GABPB1: variants seen among roughly 807,000 people sequenced by gnomAD.
The protein encoded by GABPB1 is GA binding protein transcription factor subunit beta 1, also known as GA-binding protein subunit beta-1.
In GABPB1, 15 loss-of-function variants were observed where a neutral mutation model predicts 45.9. That is an observed-to-expected ratio of 0.33 (90% CI 0.22 to 0.50). The LOEUF is 0.50. Among genes scored for constraint, GABPB1 ranks in the 20% least tolerant of loss-of-function variants. The pLI is 0.98. For synonymous variants in GABPB1, 143 were observed against 154.4 expected (o/e 0.93, Z 0.55); for missense variants, 252 against 457.5 (o/e 0.55, Z 4.10).
rs763521486 is a variant in GABPB1 at position 50,348,043 on chromosome 15, G to GAAAAAA, written c.-1+6936_-1+6941dup. ...GGGTGACAGAGTGAAACTCCATCTG[G>GAAAAAA]AAAAAAAAAAAAAGAATCACTACTA... On this transcript the variant is annotated intron_variant, in intron 1 of 8. Coordinates refer to ENST00000380877, the MANE Select transcript of GABPB1 (RefSeq NM_016654.5). 5.4e-4 allele frequency among the ~76,000 whole-genome samples: 61 copies of GAAAAAA among 113,698 alleles called. 7 individuals carry two copies. The highest frequency in any genetic ancestry group is 6.5e-4 in the Non-Finnish European group (39 of 59,674). 74.6% of individuals were successfully genotyped at this position (113,698 alleles called of 152,430 possible). A position where few individuals can be genotyped will look rare whatever the true frequency, so the allele number is the denominator to read the frequency against.
chr15:50,329,949 C>A (rs2047896302), intron 1 of GABPB1, among the ~76,000 whole-genome samples: 2 of 151,754 alleles, frequency 1.3e-5, no homozygotes, highest in Admixed American at 6.6e-5. Context: ...TTCTGTCACC[C>A]AGGCTGGAAT....
chr15:50,333,727 T>C (rs2048021718), intron 1 of GABPB1, among the ~76,000 whole-genome samples: 1 of 152,174 alleles, frequency 6.6e-6, no homozygotes, highest in Non-Finnish European at 1.5e-5. Context: ...ATTTCCACTG[T>C]TGCTGCTGAA....
In GABPB1 at chr15:50,275,994, A is replaced by G. The variant is rs1307168134; in HGVS notation, c.*2638T>C. ...GATGCCTAACGAACTCAGTGTCTGG[A>G]TAGTACGTAACAAGAACGATTCTAG... On this transcript the variant is annotated 3_prime_UTR_variant, in exon 9 of 9. Transcript: ENST00000380877. 2.0e-5 allele frequency: 3 copies of G among 152,212 alleles called. No individual in the cohort carries two copies. The highest frequency in any genetic ancestry group is 4.4e-5 in the Non-Finnish European group (3 of 68,036). The allele number at this position is 152,212 out of a possible 1,614,324, so 9.4% of individuals were successfully genotyped here. A position where few individuals can be genotyped will look rare whatever the true frequency, so the allele number is the denominator to read the frequency against.
At chr15:50,301,484 C>G (rs1325434131) in intron 4 of GABPB1, 116 bp from the exon 5 acceptor site, 1 of 941,184 alleles carries the variant, frequency 1.1e-6, no homozygotes, top group Non-Finnish European at 1.6e-6. Flanking sequence ...TCACATAGTA[C>G]AAGTGGAAAT....
At chr15:50,311,114 AAT>A (rs2047118898) in intron 1 of GABPB1, among the ~76,000 whole-genome samples, 1 of 152,190 alleles carries the variant, frequency 6.6e-6, no homozygotes, top group African/African-American at 2.4e-5. Flanking sequence ...GAAATATTGA[AAT>A]ATATGTCAGA....
At chr15:50,324,473 T>C (rs944900585) in intron 1 of GABPB1, among the ~76,000 whole-genome samples, 1 of 150,092 alleles carries the variant, frequency 6.7e-6, no homozygotes, top group African/African-American at 2.5e-5. Context: ...GCCTCAAAGG[T>C]GGGCTCCCCT....
At chr15:50,341,583 T>C (rs2048378774) in intron 1 of GABPB1, among the ~76,000 whole-genome samples, 1 of 152,132 alleles carries the variant, frequency 6.6e-6, no homozygotes, top group Non-Finnish European at 1.5e-5. Context: ...CCATTCTACT[T>C]AATAAACATA....
At chr15:50,312,597 C>T (rs1350578993) in intron 1 of GABPB1, among the ~76,000 whole-genome samples, 4 of 152,106 alleles carry the variant, frequency 2.6e-5, no homozygotes, top group African/African-American at 7.2e-5. Context: ...AAAAAGAAAC[C>T]GACCTCTCTC....
At chr15:50,279,227 A>C (rs1478515454) in intron 8 of GABPB1, among the ~76,000 whole-genome samples, 1 of 152,236 alleles carries the variant, frequency 6.6e-6, no homozygotes, top group Non-Finnish European at 1.5e-5. Flanking sequence ...ATTTCCAACA[A>C]TAAGCATCTA....
intron 1 of GABPB1, among the ~76,000 whole-genome samples, chr15:50,317,224 C>T (rs1249606167): frequency 6.6e-6 from 1 of 151,650 alleles, no homozygotes; most frequent in Non-Finnish European, 1.5e-5. Context: ...AGTGAAATCC[C>T]ACCTTTACTA....
At chr15:50,280,314 A>G (rs532438378) in intron 8 of GABPB1, among the ~76,000 whole-genome samples, 1 of 152,280 alleles carries the variant, frequency 6.6e-6, no homozygotes, top group East Asian at 1.9e-4. Context: ...AAGGTAAGCA[A>G]TCAATGCCAG....
In GABPB1 at chr15:50,282,560, G is replaced by GAAAAAAAAAAAAAAAAAAAAAAAAAAA. The variant is rs552203074; in HGVS notation, c.999+3507_999+3508insTTTTTTTTTTTTTTTTTTTTTTTTTTT. 2.0e-4 allele frequency among the ~76,000 whole-genome samples: 18 copies of GAAAAAAAAAAAAAAAAAAAAAAAAAAA among 88,978 alleles called. 2 individuals carry two copies. Among genetic ancestry groups the GAAAAAAAAAAAAAAAAAAAAAAAAAAA allele is most frequent in the African/African-American group, 3.5e-4 (9 of 26,038 alleles). 58.4% of individuals were successfully genotyped at this position (88,978 alleles called of 152,430 possible). On this transcript the variant is annotated intron_variant, in intron 8 of 8. Coordinates refer to ENST00000380877, the MANE Select transcript of GABPB1 (RefSeq NM_016654.5). The stretch of plus-strand genomic sequence containing the variant: ...CAAAGTGAGACCCTGCCTTAAAAAA[G>GAAAAAAAAAAAAAAAAAAAAAAAAAAA]AAAAAAAAAAAAAAACAGAGACGGA...
intron 1 of GABPB1, among the ~76,000 whole-genome samples, chr15:50,339,309 CT>C (rs757317909): frequency 7.2e-5 from 11 of 152,108 alleles, no homozygotes; most frequent in East Asian, 5.8e-4. Flanking sequence ...CAAAGTGAGA[CT>C]CCATCTCAAA....
At chr15:50,346,587 G>GTTTTTTTTTTT (rs67151288) in intron 1 of GABPB1, among the ~76,000 whole-genome samples, 1 of 119,906 alleles carries the variant, frequency 8.3e-6, no homozygotes, top group Non-Finnish European at 1.7e-5. Flanking sequence ...ACAACAGAAA[G>GTTTTTTTTTTT]TTTTTTTTTT....
chr15:50,296,133 C>A (rs531864828), intron 6 of GABPB1, among the ~76,000 whole-genome samples: 1 of 152,232 alleles, frequency 6.6e-6, no homozygotes, highest in Non-Finnish European at 1.5e-5. Flanking sequence ...TATATAGGAC[C>A]ATGCCAACCA....
chr15:50,301,285 A>C lies in GABPB1; in HGVS notation c.555T>G (p.Ile185Met). Residue 185 changes from isoleucine to methionine, a missense_variant, in exon 5 of 9, where the codon ATT becomes ATG. Around this residue, in one of 4 missense-constraint regions of GABPB1, gnomAD observed 193 missense variants for 259.9 expected, o/e 0.74. Coordinates refer to ENST00000380877, the MANE Select transcript of GABPB1 (RefSeq NM_016654.5). The stretch of plus-strand genomic sequence containing the variant: ...TTAGGTTCACCACCCCTCCAGGTCC[A>C]ATGATAAACTGTGGTGTTGCAGCAT... ...TIHAATPQFI[I>M]GPGGVVNLTD... is the part of the protein sequence containing the mutation. The C allele has an allele frequency of 6.2e-7, 1 of 1,614,142 alleles. No individual in the cohort carries two copies. Among genetic ancestry groups the C allele is most frequent in the Non-Finnish European group, 8.5e-7 (1 of 1,179,968 alleles).
At chr15:50,319,511 C>T (rs866163958) in intron 1 of GABPB1, among the ~76,000 whole-genome samples, 9 of 152,176 alleles carry the variant, frequency 5.9e-5, no homozygotes, top group Admixed American at 1.3e-4. Context: ...TTAGCTCCCA[C>T]GTATAAGTCA....
intron 7 of GABPB1, among the ~76,000 whole-genome samples, chr15:50,288,196 C>A (rs1351385394): frequency 6.6e-6 from 1 of 152,178 alleles, no homozygotes; most frequent in South Asian, 2.1e-4. Flanking sequence ...GGACTACAGG[C>A]TCACACTATC....
intron 1 of GABPB1, among the ~76,000 whole-genome samples, chr15:50,339,006 C>A (rs915595730): frequency 2.6e-5 from 4 of 151,858 alleles, no homozygotes; most frequent in African/African-American, 4.8e-5. Flanking sequence ...ACTAAAAACA[C>A]AAAAATTAAC....
Sources: allele counts gnomAD v4.1 joint callset (sites outside exome capture counted in the v4.1 genomes callset), GRCh38; gene constraint gnomAD v4.1.1; regional missense constraint gnomAD v4.1.1; transcripts MANE v1.5; gene names NCBI Gene and HGNC (gene_info 2026-07-23, HGNC 2026-07-21).